Variants in ASNSD1 observed in about 807,000 individuals in gnomAD.
The protein encoded by ASNSD1 is asparagine synthetase domain-containing protein 1.
ASNSD1 carries 36 observed loss-of-function variants against 48.3 expected under a neutral mutation model. The ratio of observed to expected loss-of-function variants is 0.75; its 90% CI spans 0.57 to 0.99. The LOEUF is 0.99. Ranked by LOEUF, ASNSD1 falls within the 50% of genes least tolerant of loss-of-function variation. The pLI is 0.00. For missense variants in ASNSD1, 714 were observed against 758.2 expected, an observed-to-expected ratio of 0.94 and a Z score of 0.69; for synonymous variants, 257 against 262.1, an observed-to-expected ratio of 0.98 and a Z score of 0.19.
chr2:189,670,342 G>A (rs996920218), intron 5 of ASNSD1, 99 bp from the exon 6 acceptor site: 2 of 970,150 alleles, frequency 2.1e-6, no homozygotes, highest in Non-Finnish European at 3.0e-6. Flanking sequence ...TAGTCATGTT[G>A]TGAAACAATT....
intron 1 of ASNSD1, among the ~76,000 whole-genome samples, chr2:189,662,112 C>A (rs1168029593): frequency 6.6e-6 from 1 of 152,230 alleles, no homozygotes; most frequent in Non-Finnish European, 1.5e-5. Flanking sequence ...CCGGCAAGGC[C>A]TTCCTAAGCG....
In ASNSD1 at chr2:189,667,432, A is replaced by G. The variant is rs139563648; in HGVS notation, c.1300A>G (p.Met434Val). The G allele has an allele frequency of 1.1e-4, 178 of 1,614,080 alleles. No homozygotes were observed. The highest frequency in any genetic ancestry group is 1.2e-4 in the Non-Finnish European group (137 of 1,180,032). The change falls in exon 4 of 6, where the codon ATG (methionine) becomes GTG (valine). Residue 434 changes from methionine (M) to valine (V), a missense_variant. Met to Val is a conservative substitution (Grantham distance 21, BLOSUM62 1). Coordinates refer to ENST00000260952, the MANE Select transcript of ASNSD1 (RefSeq NM_019048.4). ...IWNFVEINVS[M>V]EELQKLRRTR... The stretch of plus-strand genomic sequence containing the variant: ...GAATTTTGTTGAAATTAATGTTTCT[A>G]TGGAAGAACTGCAGAAATTAAGAAG...
chr2:189,662,850 A>G (rs1369914022), intron 1 of ASNSD1, among the ~76,000 whole-genome samples: 1 of 151,070 alleles, frequency 6.6e-6, no homozygotes, highest in African/African-American at 2.4e-5. Flanking sequence ...TCGGAGGCTA[A>G]GGTGTGAGAA....
chr2:189,667,733 A>G (rs961239566), intron 4 of ASNSD1, 31 bp from the exon 5 acceptor site: 1 of 1,577,042 alleles, frequency 6.3e-7, no homozygotes, highest in Non-Finnish European at 8.6e-7. Flanking sequence ...AGTTGATAAC[A>G]TTTTTATACG....
rs1194172062 is a variant in ASNSD1 at position 189,666,942 on chromosome 2, T to TC, written c.811dup (p.Gln271ProfsTer6). The TC allele has an allele frequency of 1.9e-6, 3 of 1,614,116 alleles. No homozygotes were observed. Among genetic ancestry groups the TC allele is most frequent in the Non-Finnish European group, 2.5e-6 (3 of 1,179,976 alleles). On this transcript the variant is annotated frameshift_variant, in exon 4 of 6. Transcript: ENST00000260952. LOFTEE classifies it high-confidence loss of function. ...ATGTGCCACCTACAAGAGAGATACT[T>TC]CAAGTCTTTCTTACTGATGTACACA... is the stretch of plus-strand genomic sequence containing the variant.
chr2:189,662,865 C>G (rs1163786400), intron 1 of ASNSD1, among the ~76,000 whole-genome samples: 1 of 151,032 alleles, frequency 6.6e-6, no homozygotes, highest in East Asian at 2.0e-4. Flanking sequence ...TGAGAATCGC[C>G]TGAGCCCGGG....
chr2:189,670,440 G>T lies in ASNSD1; in HGVS notation c.1647-1G>T. On this transcript the variant is annotated splice_acceptor_variant, in intron 5 of 5. Coordinates refer to ENST00000260952, the MANE Select transcript of ASNSD1 (RefSeq NM_019048.4). LOFTEE classifies it high-confidence loss of function. Reference sequence around the variant, plus strand: ...GTGGTTATATTATCTGTCTATTTTAGATTTCCTTTCCTGGATGAAAATGTT... The same window carrying T: ...GTGGTTATATTATCTGTCTATTTTATATTTCCTTTCCTGGATGAAAATGTT... 4.4e-6 allele frequency: 7 copies of T among 1,603,964 alleles called. No individual in the cohort carries two copies. The highest frequency in any genetic ancestry group is 6.0e-6 in the Non-Finnish European group (7 of 1,173,008).
intron 2 of ASNSD1, among the ~76,000 whole-genome samples, chr2:189,664,443 G>A (rs2032740780): frequency 6.6e-6 from 1 of 152,202 alleles, no homozygotes; most frequent in South Asian, 2.1e-4. Context: ...AAACAAGTAA[G>A]CTACTGCTTT....
chr2:189,663,955 G>A lies in ASNSD1; in HGVS notation c.-169+1G>A. On this transcript the variant is annotated splice_donor_variant, in intron 2 of 5. Coordinates refer to ENST00000260952, the MANE Select transcript of ASNSD1 (RefSeq NM_019048.4). LOFTEE classifies it low-confidence loss of function (5UTR_SPLICE). ...ACTTTCTAACCTTAAGAAGAATAGG[G>A]TGAGTTATTATAGGAATTCTGAATA... 1 of 387,996 alleles carries A rather than the reference G, an allele frequency of 2.6e-6. No homozygotes were observed. Among genetic ancestry groups the A allele is most frequent in the Non-Finnish European group, 4.6e-6 (1 of 218,474 alleles). The allele number at this position is 387,996 out of a possible 1,614,324, so 24.0% of individuals were successfully genotyped here.
chr2:189,664,057 T>G, intron 2 of ASNSD1, 103 bp downstream of exon 2: 1 of 341,546 alleles, frequency 2.9e-6, no homozygotes, highest in East Asian at 4.0e-5. Flanking sequence ...CATACTTTAA[T>G]AAAATGTATA....
At chr2:189,670,363 T>G in intron 5 of ASNSD1, 78 bp from the exon 6 acceptor site, 1 of 1,243,656 alleles carries the variant, frequency 8.0e-7, no homozygotes, top group Non-Finnish European at 1.1e-6. Context: ...TGGTTAAATT[T>G]TAGCTATAAA....
chr2:189,669,204 CATT>C (rs2032874376), intron 5 of ASNSD1, among the ~76,000 whole-genome samples: 1 of 152,150 alleles, frequency 6.6e-6, no homozygotes, highest in Admixed American at 6.5e-5. Flanking sequence ...GCTACTATGT[CATT>C]ATTCTGTCAT....
chr2:189,670,788 C>A lies in ASNSD1; in HGVS notation c.*62C>A. On this transcript the variant is annotated 3_prime_UTR_variant, in exon 6 of 6. Transcript: ENST00000260952. ...TATATAATTATATAAAAGTAAGATA[C>A]TCTGCTGCTTTACTATTGTATAACA... 1 of 1,172,018 alleles carries A rather than the reference C, an allele frequency of 8.5e-7. No homozygotes were observed. The highest frequency in any genetic ancestry group is 2.3e-5 in the South Asian group (1 of 43,016). The allele number at this position is 1,172,018 out of a possible 1,614,324, so 72.6% of individuals were successfully genotyped here.
At position 189,666,462 on chromosome 2, in the gene ASNSD1, ACTCTT is replaced by A. The variant is rs1249517527; in HGVS notation, c.334_338del (p.Phe112ArgfsTer15). On this transcript the variant is annotated frameshift_variant, in exon 4 of 6. Coordinates refer to ENST00000260952, the MANE Select transcript of ASNSD1 (RefSeq NM_019048.4). LOFTEE classifies it high-confidence loss of function. ...GTAAGAATGAATCTGAGATTTTGTC[ACTCTT>A]CTCAGAAGTACAAGGTCCCTGGTCA... 3 of 1,613,502 alleles carry A rather than the reference ACTCTT, an allele frequency of 1.9e-6. No homozygotes were observed. Among genetic ancestry groups the A allele is most frequent in the African/African-American group, 2.7e-5 (2 of 74,904 alleles).
chr2:189,667,634 A>T, intron 4 of ASNSD1, 38 bp downstream of exon 4: 1 of 1,554,120 alleles, frequency 6.4e-7, no homozygotes, highest in Non-Finnish European at 8.7e-7. Context: ...AATTCCTGAG[A>T]CCTATTTTTG....
chr2:189,663,789 G>C, intron 1 of ASNSD1, 112 bp from the exon 2 acceptor site: 1 of 344,746 alleles, frequency 2.9e-6, no homozygotes, highest in Non-Finnish European at 5.2e-6. Flanking sequence ...TGGAAAACCA[G>C]TACATCATAG....
chr2:189,670,444 TC>T lies in ASNSD1; in HGVS notation c.1652del (p.Pro551LeufsTer11). 1 of 1,606,932 alleles carries T rather than the reference TC, an allele frequency of 6.2e-7. No individual in the cohort carries two copies. Among genetic ancestry groups the T allele is most frequent in the Non-Finnish European group, 8.5e-7 (1 of 1,175,150 alleles). On this transcript the variant is annotated frameshift_variant, in exon 6 of 6. Coordinates refer to ENST00000260952, the MANE Select transcript of ASNSD1 (RefSeq NM_019048.4). LOFTEE classifies it high-confidence loss of function. The part of the protein sequence containing the change: ...IGDHGKEARF[P>X]FLDENVVSFL... ...TTATATTATCTGTCTATTTTAGATT[TC>T]CTTTCCTGGATGAAAATGTTGTCTC...
intron 5 of ASNSD1, among the ~76,000 whole-genome samples, chr2:189,669,060 C>CCTCTCTCT (rs139232071): frequency 2.4e-4 from 36 of 150,078 alleles, no homozygotes; most frequent in African/African-American, 8.0e-4. Flanking sequence ...ACTTTCTCTC[C>CCTCTCTCT]CTCTCTCTCT....
At position 189,667,825 on chromosome 2, in the gene ASNSD1, G is replaced by C. The variant is rs753403228; in HGVS notation, c.1526G>C (p.Arg509Pro). 6.2e-7 allele frequency: 1 copy of C among 1,613,908 alleles called. No homozygotes were observed. The highest frequency in any genetic ancestry group is 8.5e-7 in the Non-Finnish European group (1 of 1,180,008). Reference protein sequence around the residue: ...QLAGYSRHRVRFQSHGLEGLN... With the variant: ...QLAGYSRHRVPFQSHGLEGLN... ...GCAGGTTATTCTCGTCATCGTGTCC[G>C]CTTTCAGTCGCATGGGCTGGAAGGA... Residue 509 changes from arginine (R) to proline (P), a missense_variant, in exon 5 of 6, where the codon CGC becomes CCC. By Grantham distance (103) the Arg-to-Pro change is moderately radical. Transcript: ENST00000260952.
Sources: gnomAD v4.1 joint callset for allele counts (sites outside exome capture counted in the v4.1 genomes callset) on GRCh38, gnomAD v4.1.1 for gene constraint, MANE v1.5 for transcripts, NCBI Gene and HGNC (gene_info 2026-07-23, HGNC 2026-07-21) for gene names.